DGKG: variants seen among roughly 807,000 people sequenced by gnomAD.
DGKG encodes the protein DAG kinase gamma.
Under a neutral mutation model 105.3 loss-of-function variants are expected in DGKG, and 78 were observed. That is an observed-to-expected ratio of 0.74 (90% CI 0.62 to 0.89). The LOEUF is 0.89. DGKG is among the 40% of genes least tolerant of loss of function. The pLI is 0.00. For synonymous variants in DGKG, 346 were observed against 367.1 expected (o/e 0.94, Z 0.66); for missense variants, 958 against 1,020.1 (o/e 0.94, Z 0.83).
intron 2 of DGKG, among the ~76,000 whole-genome samples, chr3:186,310,290 C>T (rs79701420): frequency 1.4e-5 from 1 of 69,816 alleles, no homozygotes; most frequent in Non-Finnish European, 2.8e-5. Flanking sequence ...AAAAAAAAAA[C>T]CACACACACA....
chr3:186,193,976 G>T (rs1018127778), intron 21 of DGKG, among the ~76,000 whole-genome samples: 5 of 152,228 alleles, frequency 3.3e-5, no homozygotes, highest in African/African-American at 1.2e-4. Context: ...AGCAGAGAGC[G>T]TGCACACGCA....
At chr3:186,178,735 A>T (rs1338642729) in intron 22 of DGKG, among the ~76,000 whole-genome samples, 1 of 152,180 alleles carries the variant, frequency 6.6e-6, no homozygotes, top group Non-Finnish European at 1.5e-5. Context: ...AGAGTGAATG[A>T]TTGCTTCACT....
Position 186,210,384 on chromosome 3 carries a change from G to A in DGKG, c.1917+1411C>T, listed in dbSNP as rs1384389415. Among the ~76,000 whole-genome samples, 4 of 152,238 alleles carry A rather than the reference G, an allele frequency of 2.6e-5. No individual in the cohort carries two copies. The highest frequency in any genetic ancestry group is 4.8e-5 in the African/African-American group (2 of 41,464). The stretch of plus-strand genomic sequence containing the variant: ...TCAGCTCCCAGCACTGCGTTCACAC[G>A]TCAAGAGAGGAGGACCGGCTTCTCA... On this transcript the variant is annotated intron_variant, in intron 21 of 24. Coordinates refer to ENST00000265022, the MANE Select transcript of DGKG (RefSeq NM_001346.3). This position sits in a 1 kb window ranked among gnomAD's most constrained non-coding sequence, Gnocchi z 5.2.
At chr3:186,209,451 G>T (rs1718919512) in intron 21 of DGKG, among the ~76,000 whole-genome samples, 1 of 152,054 alleles carries the variant, frequency 6.6e-6, no homozygotes. Flanking sequence ...CCCATAAAAT[G>T]GGGATAATAA....
At chr3:186,330,792 C>G (rs922696268) in intron 1 of DGKG, among the ~76,000 whole-genome samples, 4 of 152,224 alleles carry the variant, frequency 2.6e-5, no homozygotes, top group Admixed American at 2.6e-4. Flanking sequence ...ACAGCCTTGG[C>G]AGACATCACA....
chr3:186,302,512 G>GTATA (rs1219245968), intron 3 of DGKG, among the ~76,000 whole-genome samples: 1 of 15,124 alleles, frequency 6.6e-5, no homozygotes, highest in African/African-American at 2.9e-4. Flanking sequence ...ATATACATAT[G>GTATA]TGTATATATA....
chr3:186,162,044 G>GCCA (rs1338613497), intron 23 of DGKG, among the ~76,000 whole-genome samples: 1 of 152,184 alleles, frequency 6.6e-6, no homozygotes, highest in Non-Finnish European at 1.5e-5. Context: ...ACAGGCATGT[G>GCCA]CCACCACACC....
At position 186,239,899 on chromosome 3, in the gene DGKG, CTTTTTTT is replaced by C. The variant is rs796306145; in HGVS notation, c.1826+2598_1826+2604del. The stretch of plus-strand genomic sequence containing the variant: ...TTTGCATTAAAATGCACGCTACAAT[CTTTTTTT>C]TTTTTTTTTTCTGACGGATGTGTCT... On this transcript the variant is annotated intron_variant, in intron 20 of 24. Transcript: ENST00000265022. Among the ~76,000 whole-genome samples, 7 of 136,436 alleles carry C rather than the reference CTTTTTTT, an allele frequency of 5.1e-5. No homozygotes were observed. The South Asian group carries it at 1.4e-3, about 27-fold the overall frequency. The allele number at this position is 136,436 out of a possible 152,430, so 89.5% of individuals were successfully genotyped here.
intron 21 of DGKG, chr3:186,207,371 T>C: frequency 1.1e-6 from 1 of 874,274 alleles, no homozygotes; most frequent in Non-Finnish European, 1.4e-6. Flanking sequence ...AAATCTGGAT[T>C]TGAAGGCTGA....
chr3:186,262,780 G>A (rs2108574978), intron 14 of DGKG, among the ~76,000 whole-genome samples: 1 of 152,228 alleles, frequency 6.6e-6, no homozygotes, highest in African/African-American at 2.4e-5. Flanking sequence ...GCTCGTGCTT[G>A]TTTCTTCTCC....
intron 5 of DGKG, 30 bp downstream of exon 5, chr3:186,297,391 T>C (rs1408400116): frequency 1.9e-6 from 3 of 1,570,026 alleles, no homozygotes; most frequent in Middle Eastern, 1.7e-4. Context: ...TCCCTACTTT[T>C]CCCACAAGTC....
intron 3 of DGKG, among the ~76,000 whole-genome samples, chr3:186,302,486 A>G (rs1436813237): frequency 0.073 from 750 of 10,234 alleles, 14 homozygotes; most frequent in Middle Eastern, 0.11. Context: ...ATATATATAT[A>G]TATATATATA....
At chr3:186,345,053 A>G (rs1454760412) in intron 1 of DGKG, among the ~76,000 whole-genome samples, 1 of 152,154 alleles carries the variant, frequency 6.6e-6, no homozygotes, top group African/African-American at 2.4e-5. Context: ...CCGTGTTTCC[A>G]TCAGTTTGGG....
At chr3:186,270,129 AT>A (rs1722250329) in intron 11 of DGKG, among the ~76,000 whole-genome samples, 1 of 63,752 alleles carries the variant, frequency 1.6e-5, no homozygotes, top group South Asian at 4.4e-4. Context: ...TTAAATAAGA[AT>A]AAACGTGTTT....
chr3:186,266,325 C>T (rs1477955699), intron 13 of DGKG, among the ~76,000 whole-genome samples: 1 of 152,208 alleles, frequency 6.6e-6, no homozygotes, highest in Non-Finnish European at 1.5e-5. Flanking sequence ...TTTTCCATTG[C>T]AATGTAGTTT....
At chr3:186,328,141 A>G (rs1010753409) in intron 1 of DGKG, among the ~76,000 whole-genome samples, 3 of 152,126 alleles carry the variant, frequency 2.0e-5, no homozygotes, top group Non-Finnish European at 4.4e-5. Context: ...TTCCTTCCTA[A>G]AACAAATCTC....
intron 7 of DGKG, 75 bp from the exon 8 acceptor site, chr3:186,280,819 T>G: frequency 2.3e-6 from 3 of 1,313,714 alleles, no homozygotes; most frequent in Non-Finnish European, 3.3e-6. Context: ...AACTCAAAAT[T>G]AAGCCCAGTG....
intron 20 of DGKG, among the ~76,000 whole-genome samples, chr3:186,212,429 A>G (rs1054872821): frequency 6.6e-6 from 1 of 152,188 alleles, no homozygotes; most frequent in African/African-American, 2.4e-5. Context: ...AGAATTAGAT[A>G]CAGACTTGCA....
chr3:186,257,917 G>A lies in DGKG; in HGVS notation c.1447C>T (p.Pro483Ser). The change falls in exon 17 of 25, where the codon CCA (proline) becomes TCA (serine). Residue 483 changes from proline to serine, a missense_variant. Pro to Ser is a moderately conservative substitution (Grantham distance 74). Coordinates refer to ENST00000265022, the MANE Select transcript of DGKG (RefSeq NM_001346.3). ...CCACAGGCCAAAACACGGAAGTCTG[G>A]AGTATCACGGAAAAAGTTCAACCTG... The part of the protein sequence containing the change: ...TPGLNFFRDT[P>S]DFRVLACGGD... The A allele has an allele frequency of 6.2e-7, 1 of 1,614,048 alleles. No individual in the cohort carries two copies. Among genetic ancestry groups the A allele is most frequent in the Non-Finnish European group, 8.5e-7 (1 of 1,179,970 alleles).
Sources: allele counts gnomAD v4.1 joint callset (sites outside exome capture counted in the v4.1 genomes callset), GRCh38; gene constraint gnomAD v4.1.1; non-coding constraint Gnocchi (gnomAD v3.1); transcripts MANE v1.5; gene names NCBI Gene and HGNC (gene_info 2026-07-23, HGNC 2026-07-21).